Variants in DLG2 observed in about 807,000 individuals in gnomAD.
DLG2 encodes the protein disks large homolog 2.
In DLG2, 45 loss-of-function variants were observed where a neutral mutation model predicts 132.5. That is an observed-to-expected ratio of 0.34 (90% CI 0.27 to 0.44). The LOEUF is 0.44. Among genes scored for constraint, DLG2 ranks in the 20% least tolerant of loss-of-function variants. The pLI, the probability that DLG2 is intolerant of heterozygous loss-of-function variation, is 1.00. For synonymous variants in DLG2, 424 were observed against 419.6 expected (o/e 1.01, Z -0.13); for missense variants, 1,045 against 1,196.9 (o/e 0.87, Z 1.87).
At chr11:84,270,107 G>T (rs2097700391) in intron 7 of DLG2, among the ~76,000 whole-genome samples, 1 of 152,128 alleles carries the variant, frequency 6.6e-6, no homozygotes, top group Non-Finnish European at 1.5e-5. Flanking sequence ...CTACTCATTT[G>T]AATAAAATTG....
intron 18 of DLG2, among the ~76,000 whole-genome samples, chr11:83,681,598 T>TGAG (rs2078826254): frequency 1.3e-5 from 2 of 152,242 alleles, no homozygotes; most frequent in Non-Finnish European, 2.9e-5. Flanking sequence ...TCTGATCCCA[T>TGAG]CCCGGCAAAA....
chr11:85,210,581 C>T (rs1168473648), intron 4 of DLG2, among the ~76,000 whole-genome samples: 1 of 151,974 alleles, frequency 6.6e-6, no homozygotes, highest in South Asian at 2.1e-4. Flanking sequence ...GGAACTAAGC[C>T]ACTCAGATCT....
chr11:83,470,331 G>T (rs907083178), intron 24 of DLG2, among the ~76,000 whole-genome samples: 1 of 152,006 alleles, frequency 6.6e-6, no homozygotes, highest in African/African-American at 2.4e-5. Flanking sequence ...AGAAAGAATA[G>T]ATGGAAATGT....
chr11:83,749,457 A>G (rs962479174), intron 18 of DLG2, among the ~76,000 whole-genome samples: 25 of 152,282 alleles, frequency 1.6e-4, no homozygotes, highest in African/African-American at 6.0e-4. Context: ...GGAGTTTTTC[A>G]GTTATGATCT....
chr11:84,562,860 C>G (rs1188774387), intron 6 of DLG2, among the ~76,000 whole-genome samples: 1 of 151,882 alleles, frequency 6.6e-6, no homozygotes, highest in African/African-American at 2.4e-5. Context: ...TCAAGTGACC[C>G]TCCTGCATCA....
chr11:83,975,929 T>A (rs1046994178), intron 12 of DLG2, among the ~76,000 whole-genome samples: 6 of 152,064 alleles, frequency 3.9e-5, no homozygotes, highest in African/African-American at 1.4e-4. Context: ...GGAGGTATTA[T>A]CCATCCTTAA....
At chr11:84,557,346 C>T (rs891245873) in intron 6 of DLG2, among the ~76,000 whole-genome samples, 1 of 152,074 alleles carries the variant, frequency 6.6e-6, no homozygotes, top group East Asian at 1.9e-4. Flanking sequence ...GAGTTTCCAG[C>T]CTGCTGCCCT....
intron 6 of DLG2, among the ~76,000 whole-genome samples, chr11:85,007,868 G>A (rs926782332): frequency 6.6e-6 from 1 of 151,864 alleles, no homozygotes; most frequent in African/African-American, 2.4e-5. Context: ...CTCAATGAAA[G>A]GACATGTGAT....
intron 6 of DLG2, among the ~76,000 whole-genome samples, chr11:84,649,750 CCT>C (rs1268265815): frequency 2.0e-5 from 3 of 152,142 alleles, no homozygotes; most frequent in African/African-American, 7.2e-5. Context: ...TGCTTTGATT[CCT>C]CTGAGACTGC....
chr11:84,661,905 C>G (rs540126067), intron 6 of DLG2, among the ~76,000 whole-genome samples: 1 of 152,238 alleles, frequency 6.6e-6, no homozygotes, highest in East Asian at 1.9e-4. Context: ...TAAAGAAGCA[C>G]AAGACATACT....
intron 14 of DLG2, among the ~76,000 whole-genome samples, chr11:83,930,961 A>T (rs2080082404): frequency 2.0e-5 from 3 of 152,206 alleles, no homozygotes. Flanking sequence ...GTGGCACTAT[A>T]CCAACTCTGG....
At chr11:84,207,996 G>A (rs897884152) in intron 8 of DLG2, among the ~76,000 whole-genome samples, 1 of 152,124 alleles carries the variant, frequency 6.6e-6, no homozygotes, top group Admixed American at 6.6e-5. Context: ...AGAAAACAGT[G>A]TTCTGTATCC....
intron 6 of DLG2, among the ~76,000 whole-genome samples, chr11:84,590,965 T>A (rs890562096): frequency 2.6e-5 from 4 of 152,190 alleles, no homozygotes; most frequent in African/African-American, 9.6e-5. Context: ...ATTATGCAGC[T>A]CTCTGATTCA....
chr11:83,854,757 T>A lies in DLG2; in HGVS notation c.1565+19663A>T, dbSNP rs2060258688. On this transcript the variant is annotated intron_variant, in intron 16 of 27. Transcript: ENST00000376104. ...AAAGAACTGATAAGCTGGACTTTTT[T>A]ATTTTATTAAAATAGAACATATGTT... 2.0e-5 allele frequency among the ~76,000 whole-genome samples: 3 copies of A among 152,154 alleles called. No homozygotes were observed. The South Asian group carries it at 6.2e-4, about 31-fold the overall frequency.
chr11:83,804,254 G>A (rs1434987414), intron 17 of DLG2, among the ~76,000 whole-genome samples: 1 of 152,008 alleles, frequency 6.6e-6, no homozygotes, highest in African/African-American at 2.4e-5. Context: ...GAGGAGATCT[G>A]AATAAACAGA....
intron 7 of DLG2, among the ~76,000 whole-genome samples, chr11:84,357,183 C>T (rs1027846856): frequency 6.6e-6 from 1 of 152,044 alleles, no homozygotes; most frequent in Non-Finnish European, 1.5e-5. Context: ...AAAGATAGCT[C>T]TGGCTGCCTG....
At chr11:85,009,143 C>T (rs183976666) in intron 6 of DLG2, among the ~76,000 whole-genome samples, 2 of 152,022 alleles carry the variant, frequency 1.3e-5, no homozygotes, top group East Asian at 3.9e-4. Context: ...TTTTGCAAGC[C>T]ATAGTAAGAA....
intron 10 of DLG2, among the ~76,000 whole-genome samples, chr11:84,066,287 G>A (rs992403541): frequency 6.6e-6 from 1 of 152,158 alleles, no homozygotes; most frequent in African/African-American, 2.4e-5. Flanking sequence ...AGTCTTGTTT[G>A]ATGAAGTACA....
chr11:84,903,592 G>A (rs1210415656), intron 6 of DLG2, among the ~76,000 whole-genome samples: 2 of 152,126 alleles, frequency 1.3e-5, no homozygotes, highest in Non-Finnish European at 2.9e-5. Flanking sequence ...TACACATATA[G>A]TGTTATCTCC....
Sources: gnomAD v4.1 joint callset for allele counts (sites outside exome capture counted in the v4.1 genomes callset) on GRCh38, gnomAD v4.1.1 for gene constraint, MANE v1.5 for transcripts, NCBI Gene and HGNC (gene_info 2026-07-23, HGNC 2026-07-21) for gene names.